SCN1A: variants seen among roughly 807,000 people sequenced by gnomAD.
SCN1A encodes sodium voltage-gated channel alpha subunit 1, also known as sodium channel protein type 1 subunit alpha.
In SCN1A, 13 loss-of-function variants were observed where a neutral mutation model predicts 193.7. The ratio of observed to expected loss-of-function variants is 0.07; its 90% CI spans 0.04 to 0.11. The LOEUF (loss-of-function observed/expected upper bound fraction) is 0.11. SCN1A is among the 10% of genes least tolerant of loss of function. The pLI is 1.00. For synonymous variants in SCN1A, 781 were observed against 843.6 expected, an observed-to-expected ratio of 0.93 and a Z score of 1.29; for missense variants, 1,432 against 2,451.1, an observed-to-expected ratio of 0.58 and a Z score of 8.78.
At chr2:166,083,885 T>G (rs993564956) in intron 2 of SCN1A, among the ~76,000 whole-genome samples, 1 of 152,306 alleles carries the variant, frequency 6.6e-6, no homozygotes, top group Non-Finnish European at 1.5e-5. Flanking sequence ...AAAGTTTTCC[T>G]GTTAGAAAAT....
At chr2:166,021,984 G>C (rs570275424) in intron 19 of SCN1A, among the ~76,000 whole-genome samples, 1 of 152,140 alleles carries the variant, frequency 6.6e-6, no homozygotes, top group Non-Finnish European at 1.5e-5. Flanking sequence ...CCAGCTACTT[G>C]AGAAGCTGAG....
chr2:166,024,861 T>G (rs1455171078), intron 19 of SCN1A, among the ~76,000 whole-genome samples: 5 of 152,152 alleles, frequency 3.3e-5, no homozygotes, highest in Non-Finnish European at 5.9e-5. Context: ...CATCTGATCC[T>G]CAGGCTGGTC....
rs1685125222 is a variant in SCN1A at position 166,077,767 on chromosome 2, A to T, written c.-107T>A. The T allele has an allele frequency of 6.6e-6, 1 of 152,380 alleles. No homozygotes were observed. Among genetic ancestry groups the T allele is most frequent in the African/African-American group, 2.4e-5 (1 of 41,444 alleles). The allele number at this position is 152,380 out of a possible 1,614,324, so 9.4% of individuals were successfully genotyped here. A position where few individuals can be genotyped will look rare whatever the true frequency, so the allele number is the denominator to read the frequency against. On this transcript the variant is annotated 5_prime_UTR_variant, in exon 3 of 29. Transcript: ENST00000674923. ...TGTCCACACAAAATCCTGCACACGGATGTATACAGCAGCCTTATTCATAAT... is the reference window on the plus strand; with the variant it reads ...TGTCCACACAAAATCCTGCACACGGTTGTATACAGCAGCCTTATTCATAAT...
intron 5 of SCN1A, 21 bp downstream of exon 5, chr2:166,058,549 T>G: frequency 7.7e-7 from 1 of 1,302,336 alleles, no homozygotes; most frequent in Non-Finnish European, 1.1e-6. Flanking sequence ...TAGTTAATAT[T>G]AATCACTTGA....
intron 3 of SCN1A, among the ~76,000 whole-genome samples, chr2:166,076,869 CT>C (rs1685040178): frequency 6.6e-6 from 1 of 151,436 alleles, no homozygotes; most frequent in African/African-American, 2.4e-5. Flanking sequence ...GACCTTATGC[CT>C]TTCACAAAAA....
In SCN1A at chr2:166,043,831, C is replaced by T. The variant is rs376049002; in HGVS notation, c.1881G>A (p.Arg627=). The T allele has an allele frequency of 3.2e-5, 52 of 1,614,092 alleles. No individual in the cohort carries two copies. Among genetic ancestry groups the T allele is most frequent in the Non-Finnish European group, 1.2e-5 (14 of 1,180,044 alleles). Residue 627 remains arginine (R), a synonymous_variant, in exon 14 of 29, where the codon AGG becomes AGA. Transcript: ENST00000674923. ...RRNSNLSQTS[R]SSRMLAVFPA... is the part of the protein sequence containing the mutation. ...GAAACACTGCCAGCATCCGGGATGA[C>T]CTACTGGTCTGACTCAGGTTGCTGT... is the stretch of plus-strand genomic sequence containing the variant.
intron 2 of SCN1A, among the ~76,000 whole-genome samples, chr2:166,107,334 T>G (rs1251781198): frequency 6.6e-6 from 1 of 152,204 alleles, no homozygotes; most frequent in Non-Finnish European, 1.5e-5. Context: ...CATTCTTCAC[T>G]GTATCGTGCA....
At chr2:166,143,683 T>C (rs2106305580) in intron 1 of SCN1A, among the ~76,000 whole-genome samples, 1 of 152,282 alleles carries the variant, frequency 6.6e-6, no homozygotes, top group Non-Finnish European at 1.5e-5. Flanking sequence ...CCTAGAATAT[T>C]ATAATTAGAA....
rs1553540101 is a variant in SCN1A, at chr2:166,036,053, T to C, written c.3424A>G (p.Lys1142Glu). The C allele has an allele frequency of 6.2e-7, 1 of 1,613,696 alleles. No individual in the cohort carries two copies. The highest frequency in any genetic ancestry group is 1.7e-5 in the Admixed American group (1 of 60,024). ...FSSESDLEESKEKLNESSSSS... is the reference protein window; with the variant it reads ...FSSESDLEESEEKLNESSSSS... ...CCACACCTATAGAATCTTACCTCTT[T>C]GCTTTCTTCCAGATCCGATTCACTA... The change falls in exon 19 of 29, where the codon AAA becomes GAA. Residue 1142 changes from lysine to glutamate, a missense_variant. By Grantham distance (56) the Lys-to-Glu change is moderately conservative. Around this residue, in one of 18 missense-constraint regions of SCN1A, gnomAD observed 198 missense variants for 225.8 expected, o/e 0.88. Coordinates refer to ENST00000674923, the MANE Select transcript of SCN1A (RefSeq NM_001165963.4).
intron 8 of SCN1A, 128 bp from the exon 9 acceptor site, chr2:166,052,116 C>T: frequency 1.3e-6 from 1 of 761,216 alleles, no homozygotes; most frequent in Non-Finnish European, 2.1e-6. Flanking sequence ...AGTGGAGAAG[C>T]AACACTTCAT....
chr2:166,010,838 A>G (rs532376233), intron 22 of SCN1A, among the ~76,000 whole-genome samples: 23 of 151,290 alleles, frequency 1.5e-4, no homozygotes, highest in South Asian at 2.1e-4. Flanking sequence ...ATTGAAAATA[A>G]AGATATTATT....
chr2:165,999,930 T>A (rs1690605542), intron 24 of SCN1A, 154 bp from the exon 25 acceptor site: 1 of 689,690 alleles, frequency 1.4e-6, no homozygotes, highest in Non-Finnish European at 2.6e-6. Flanking sequence ...AAGACAGTAT[T>A]TTAGTATGGC....
rs752375814 is a variant in SCN1A, at chr2:165,992,211, C to T, written c.5064G>A (p.Gly1688=). The part of the protein sequence containing the change: ...FLVMFIYAIF[G]MSNFAYVKRE... ...TCTTAACATAGGCAAAGTTGGACAT[C>T]CCAAAGATGGCGTAGATGAACATGA... The change falls in exon 29 of 29, where the codon GGG becomes GGA. Residue 1688 remains glycine, a synonymous_variant. Transcript: ENST00000674923. The surrounding 1 kb of genome is among the most constrained non-coding windows in gnomAD (Gnocchi z 6.5). 5 of 1,613,780 alleles carry T rather than the reference C, an allele frequency of 3.1e-6. No homozygotes were observed. The highest frequency in any genetic ancestry group is 3.4e-6 in the Non-Finnish European group (4 of 1,179,874).
rs368798811 is a variant in SCN1A, at chr2:166,054,690, T to C, written c.550A>G (p.Thr184Ala). 1 of 1,612,280 alleles carries C rather than the reference T, an allele frequency of 6.2e-7. No individual in the cohort carries two copies. Among genetic ancestry groups the C allele is most frequent in the African/African-American group, 1.3e-5 (1 of 74,954 alleles). Residue 184 changes from threonine to alanine, a missense_variant, in exon 7 of 29, where the codon ACT becomes GCT. This residue lies in a region of SCN1A where 123 missense variants were observed against 282.8 expected (regional missense o/e 0.43). Coordinates refer to ENST00000674923, the MANE Select transcript of SCN1A (RefSeq NM_001165963.4). ...CAGTTCCATGGATCCCGAAGGAAAGTAAAATCTTCTAAACAGAATCCCCTT... is the reference window on the plus strand; with the variant it reads ...CAGTTCCATGGATCCCGAAGGAAAGCAAAATCTTCTAAACAGAATCCCCTT... ...IARGFCLEDFTFLRDPWNWLD... is the reference protein window; with the variant it reads ...IARGFCLEDFAFLRDPWNWLD...
intron 4 of SCN1A, among the ~76,000 whole-genome samples, chr2:166,072,837 C>CTTTTT (rs796420549): frequency 4.8e-4 from 57 of 119,446 alleles, no homozygotes; most frequent in Non-Finnish European, 6.5e-4. Flanking sequence ...TCTCTTCTTT[C>CTTTTT]TTTTTTTTTT....
At chr2:166,091,113 G>A (rs1257627310) in intron 2 of SCN1A, among the ~76,000 whole-genome samples, 2 of 152,188 alleles carry the variant, frequency 1.3e-5, no homozygotes. Flanking sequence ...TGACTGATGG[G>A]GAAAGTTACA....
chr2:166,132,988 T>A (rs1247438375), upstream of SCN1A, among the ~76,000 whole-genome samples: 1 of 152,164 alleles, frequency 6.6e-6, no homozygotes, highest in Non-Finnish European at 1.5e-5. Context: ...TTGAAGTATC[T>A]TTAGAACCAA....
chr2:166,112,384 A>G (rs1463958320), intron 2 of SCN1A, among the ~76,000 whole-genome samples: 1 of 152,284 alleles, frequency 6.6e-6, no homozygotes, highest in Non-Finnish European at 1.5e-5. Flanking sequence ...AAATTAAGGT[A>G]TGCACTTTTT....
chr2:166,145,142 A>ATTT (rs10527781), intron 1 of SCN1A, among the ~76,000 whole-genome samples: 9 of 129,056 alleles, frequency 7.0e-5, no homozygotes, highest in East Asian at 2.6e-4. Flanking sequence ...GGCCTAAGTA[A>ATTT]TTTTTTTTTT....
Sources: gnomAD v4.1 joint callset for allele counts (sites outside exome capture counted in the v4.1 genomes callset) on GRCh38, gnomAD v4.1.1 for gene constraint, gnomAD v4.1.1 regional missense constraint, Gnocchi (gnomAD v3.1) non-coding constraint, MANE v1.5 for transcripts, NCBI Gene and HGNC (gene_info 2026-07-23, HGNC 2026-07-21) for gene names.